The following RIT2 variants were observed in gnomAD, a reference collection of about 807,000 sequenced individuals.
RIT2 encodes the protein GTP-binding protein Rit2.
In RIT2, 24 loss-of-function variants were observed where a neutral mutation model predicts 23.7. That is an observed-to-expected ratio of 1.01 (90% CI 0.73 to 1.43). The LOEUF (loss-of-function observed/expected upper bound fraction) is 1.43, where lower values mean the gene tolerates loss of function less well. RIT2 is among the 40% of genes most tolerant of loss of function. The probability of loss-of-function intolerance (pLI) is 0.00; values close to 1 mark genes in which losing one functional copy is unlikely to be tolerated. For synonymous variants in RIT2, 107 were observed against 91.1 expected, an observed-to-expected ratio of 1.17 and a Z score of -0.99; for missense variants, 236 against 266.9, an observed-to-expected ratio of 0.88 and a Z score of 0.81.
intron 2 of RIT2, among the ~76,000 whole-genome samples, chr18:43,005,299 C>T (rs10163892): frequency 0.41 from 62,884 of 151,666 alleles, 15,421 homozygotes; most frequent in Non-Finnish European, 0.56. Context: ...TAAACACTGG[C>T]TATTAATTAA....
chr18:42,858,663 G>T (rs547447553), intron 4 of RIT2, among the ~76,000 whole-genome samples: 2 of 152,136 alleles, frequency 1.3e-5, no homozygotes, highest in South Asian at 2.1e-4. Context: ...CATCATTATC[G>T]CATTCAAAAG....
chr18:42,844,639 T>C (rs1157539719), intron 4 of RIT2, among the ~76,000 whole-genome samples: 1 of 152,012 alleles, frequency 6.6e-6, no homozygotes, highest in Non-Finnish European at 1.5e-5. Context: ...GTCTGGGGTC[T>C]TTATAGGCAC....
At position 42,795,006 on chromosome 18, in the gene RIT2, C is replaced by CT. The variant is rs570714590; in HGVS notation, c.427-51287dup. 3.1e-3 allele frequency among the ~76,000 whole-genome samples: 471 copies of CT among 152,286 alleles called. 2 individuals are homozygous for CT. Among genetic ancestry groups the CT allele is most frequent in the African/African-American group, 0.011 (457 of 41,582 alleles). Reference sequence around the variant, plus strand: ...TGACACTAACATTTTAAATGTTTTTCTTTTTTTGAAACTAAGGAGAGAGAT... The same window carrying CT: ...TGACACTAACATTTTAAATGTTTTTCTTTTTTTTGAAACTAAGGAGAGAGAT... On this transcript the variant is annotated intron_variant, in intron 4 of 4. Coordinates refer to ENST00000326695, the MANE Select transcript of RIT2 (RefSeq NM_002930.4).
intron 1 of RIT2, among the ~76,000 whole-genome samples, chr18:43,094,233 C>T (rs1223826172): frequency 6.9e-6 from 1 of 143,976 alleles, no homozygotes; most frequent in South Asian, 2.3e-4. Flanking sequence ...ATAATTATTT[C>T]TATTCATAAC....
intron 4 of RIT2, among the ~76,000 whole-genome samples, chr18:42,868,129 C>G (rs941468099): frequency 2.6e-5 from 4 of 152,156 alleles, no homozygotes; most frequent in African/African-American, 7.2e-5. Context: ...TTTTTCCACA[C>G]GTGCATATTT....
At chr18:42,994,654 A>C (rs987648634) in intron 2 of RIT2, among the ~76,000 whole-genome samples, 4 of 152,048 alleles carry the variant, frequency 2.6e-5, no homozygotes, top group Admixed American at 2.0e-4. Flanking sequence ...GAATTCTTAC[A>C]CAAGGACCGG....
intron 4 of RIT2, among the ~76,000 whole-genome samples, chr18:42,876,418 TTAG>T (rs960969958): frequency 2.0e-5 from 3 of 151,672 alleles, no homozygotes; most frequent in Non-Finnish European, 4.4e-5. Context: ...GTTATCATTT[TTAG>T]GGGAGTAGAA....
chr18:43,070,185 G>A (rs895505125), intron 1 of RIT2, among the ~76,000 whole-genome samples: 3 of 151,984 alleles, frequency 2.0e-5, no homozygotes, highest in African/African-American at 4.8e-5. Flanking sequence ...AATTTTTCAC[G>A]GCTCTATTTA....
chr18:43,067,204 A>G (rs1361598874), intron 1 of RIT2, among the ~76,000 whole-genome samples: 1 of 152,124 alleles, frequency 6.6e-6, no homozygotes, highest in Non-Finnish European at 1.5e-5. Context: ...ACACACACAT[A>G]AGGAGTGACT....
chr18:43,109,465 T>G (rs1488569625), intron 1 of RIT2, among the ~76,000 whole-genome samples: 1 of 152,336 alleles, frequency 6.6e-6, no homozygotes, highest in East Asian at 1.9e-4. Context: ...TTCAGATCCC[T>G]TTGTGCCCCT....
At chr18:42,947,069 C>T (rs1416462225) in intron 3 of RIT2, among the ~76,000 whole-genome samples, 3 of 152,034 alleles carry the variant, frequency 2.0e-5, no homozygotes, top group African/African-American at 7.2e-5. Context: ...TGTGGATACA[C>T]TATAGAATTT....
intron 4 of RIT2, among the ~76,000 whole-genome samples, chr18:42,842,324 T>C (rs1260794625): frequency 6.6e-6 from 1 of 152,206 alleles, no homozygotes; most frequent in East Asian, 1.9e-4. Flanking sequence ...AGCCTCGTAT[T>C]ATCCAATGTC....
intron 4 of RIT2, among the ~76,000 whole-genome samples, chr18:42,795,715 A>C (rs1217873141): frequency 2.0e-5 from 3 of 152,150 alleles, no homozygotes; most frequent in Admixed American, 6.5e-5. Context: ...GGCCTTGGAG[A>C]ACCTTTATGT....
At chr18:42,982,479 C>A (rs1910619390) in intron 2 of RIT2, among the ~76,000 whole-genome samples, 2 of 152,120 alleles carry the variant, frequency 1.3e-5, no homozygotes, top group South Asian at 4.1e-4. Context: ...CAAGTTAACA[C>A]CTAAAATTAA....
intron 2 of RIT2, among the ~76,000 whole-genome samples, chr18:43,022,623 C>T (rs148228596): frequency 6.7e-4 from 102 of 152,128 alleles, no homozygotes; most frequent in African/African-American, 2.2e-3. Flanking sequence ...TCCATATTAA[C>T]CTCCTGACAT....
At chr18:42,947,381 C>T (rs79460024) in intron 3 of RIT2, among the ~76,000 whole-genome samples, 314 of 152,096 alleles carry the variant, frequency 2.1e-3, no homozygotes, top group Non-Finnish European at 3.9e-3. Flanking sequence ...TGTGATCAGT[C>T]GATTATTTAC....
chr18:43,034,703 A>T (rs1911936045), intron 1 of RIT2, among the ~76,000 whole-genome samples: 1 of 152,110 alleles, frequency 6.6e-6, no homozygotes, highest in Non-Finnish European at 1.5e-5. Flanking sequence ...TCAAACATGG[A>T]CCCTGTCCTT....
chr18:42,955,566 G>T (rs545194385), intron 3 of RIT2, among the ~76,000 whole-genome samples: 1 of 152,188 alleles, frequency 6.6e-6, no homozygotes, highest in African/African-American at 2.4e-5. Context: ...ATGGGAAATA[G>T]CAAGTCAATG....
chr18:43,069,003 C>T (rs929916053), intron 1 of RIT2, among the ~76,000 whole-genome samples: 4 of 152,080 alleles, frequency 2.6e-5, no homozygotes, highest in East Asian at 3.9e-4. Context: ...TAGACGTTTC[C>T]GGTTAAGGGA....
Sources: gnomAD v4.1 joint callset for allele counts (sites outside exome capture counted in the v4.1 genomes callset) on GRCh38, gnomAD v4.1.1 for gene constraint, MANE v1.5 for transcripts, NCBI Gene and HGNC (gene_info 2026-07-23, HGNC 2026-07-21) for gene names.